Variants in PCDHGA5 observed in about 807,000 individuals in gnomAD.
PCDHGA5 encodes protocadherin gamma-A5.
PCDHGA5 carries 36 observed loss-of-function variants against 56.7 expected under a neutral mutation model. The observed-to-expected ratio is 0.64, with a 90% CI of 0.49 to 0.84. PCDHGA5 has a LOEUF of 0.84. PCDHGA5 is among the 40% of genes least tolerant of loss of function. The pLI, the probability that PCDHGA5 is intolerant of heterozygous loss-of-function variation, is 0.00. For missense variants in PCDHGA5, 1,305 were observed against 1,201.5 expected (o/e 1.09, Z -1.27); for synonymous variants, 563 against 520.2 (o/e 1.08, Z -1.12).
chr5:141,473,776 T>C (rs1026169931), intron 1 of PCDHGA5, among the ~76,000 whole-genome samples: 1 of 152,214 alleles, frequency 6.6e-6, no homozygotes, highest in Non-Finnish European at 1.5e-5. Context: ...TTTGGTATTT[T>C]AATTCAAGAG....
At chr5:141,385,488 T>G in intron 1 of PCDHGA5, 1 of 1,400,248 alleles carries the variant, frequency 7.1e-7, no homozygotes, top group Non-Finnish European at 9.3e-7. Flanking sequence ...ATAGAACACA[T>G]AGGATATAGT....
At chr5:141,417,943 G>A (rs772925118) in intron 1 of PCDHGA5, 2 of 1,613,194 alleles carry the variant, frequency 1.2e-6, no homozygotes, top group Admixed American at 1.7e-5. Flanking sequence ...TCTACCCCAC[G>A]CTGTGTGAGC....
intron 1 of PCDHGA5, chr5:141,428,285 C>G (rs765814584): frequency 1.1e-5 from 8 of 734,934 alleles, no homozygotes; most frequent in Non-Finnish European, 1.7e-5. Context: ...GATTCCCAAG[C>G]AAAGCTGCAG....
chr5:141,373,366 A>T (rs1309577062), intron 1 of PCDHGA5, among the ~76,000 whole-genome samples: 1 of 152,214 alleles, frequency 6.6e-6, no homozygotes, highest in Non-Finnish European at 1.5e-5. Context: ...ACTGTAATGA[A>T]TTGGTTCAAA....
chr5:141,450,006 C>CTTTT (rs1554136305), intron 1 of PCDHGA5, among the ~76,000 whole-genome samples: 4 of 132,984 alleles, frequency 3.0e-5, no homozygotes, highest in South Asian at 2.3e-4. Flanking sequence ...TGCCATGTCT[C>CTTTT]TTTTTTTTTT....
intron 1 of PCDHGA5, chr5:141,389,406 G>C (rs1235613335): frequency 2.5e-6 from 4 of 1,613,514 alleles, no homozygotes; most frequent in Non-Finnish European, 3.4e-6. Flanking sequence ...CATAAGCGCG[G>C]AGAGCGGGGT....
chr5:141,466,223 T>C (rs1313406487), intron 1 of PCDHGA5, among the ~76,000 whole-genome samples: 1 of 152,096 alleles, frequency 6.6e-6, no homozygotes, highest in African/African-American at 2.4e-5. Context: ...CAGGCTGGAG[T>C]GCAGTGGCAC....
At chr5:141,427,845 G>C in intron 1 of PCDHGA5, 1 of 1,550,582 alleles carries the variant, frequency 6.4e-7, no homozygotes, top group Non-Finnish European at 8.8e-7. Context: ...CTTCGACCAC[G>C]AGCAGCTGTG....
intron 1 of PCDHGA5, among the ~76,000 whole-genome samples, chr5:141,472,980 C>CAAAAAAAAAAAAAAAAGAAAAAAA (rs2099308501): frequency 2.3e-5 from 2 of 86,104 alleles, no homozygotes; most frequent in African/African-American, 7.8e-5. Flanking sequence ...GAGTGAAACT[C>CAAAAAAAAAAAAAAAAGAAAAAAA]AAAAAAAAAA....
At chr5:141,399,146 G>C (rs758823968) in intron 1 of PCDHGA5, 1 of 1,613,792 alleles carries the variant, frequency 6.2e-7, no homozygotes, top group South Asian at 1.1e-5. Context: ...AATGACAATA[G>C]CCCAGAAGTT....
Position 141,407,977 on chromosome 5 carries a change from G to T in PCDHGA5, c.2421+41226G>T, listed in dbSNP as rs943554200. ...GTGCAGAGCAAGCGCTGACGCCGGG[G>T]ATCCGTCAGCCTCTGGCCTGGGATT... On this transcript the variant is annotated intron_variant, in intron 1 of 3. Coordinates refer to ENST00000518069, the MANE Select transcript of PCDHGA5 (RefSeq NM_018918.3). 65 of 747,656 alleles carry T rather than the reference G, an allele frequency of 8.7e-5. No individual in the cohort carries two copies. The African/African-American group carries it at 1.0e-3, about 12-fold the overall frequency. The allele number at this position is 747,656 out of a possible 1,614,324, so 46.3% of individuals were successfully genotyped here. A position where few individuals can be genotyped will look rare whatever the true frequency, so the allele number is the denominator to read the frequency against.
At chr5:141,481,193 A>AT (rs1437708630) in intron 1 of PCDHGA5, among the ~76,000 whole-genome samples, 4 of 152,216 alleles carry the variant, frequency 2.6e-5, no homozygotes, top group African/African-American at 7.2e-5. Context: ...GCCAGGCCCA[A>AT]TTTTTTTAAA....
Position 141,506,556 on chromosome 5 carries a change from AC to A in PCDHGA5, c.2569+1080del, listed in dbSNP as rs560503002. Among the ~76,000 whole-genome samples the A allele has an allele frequency of 4.0e-4, 60 of 151,718 alleles. 1 individual carries two copies. In the East Asian group the frequency reaches 0.011, roughly 28 times the overall value. ...AATGAGTCCTTAGGTAAGTTATTAA[AC>A]CCCCTCGGTTTCACTTACTATTAAT... On this transcript the variant is annotated intron_variant, in intron 3 of 3. Coordinates refer to ENST00000518069, the MANE Select transcript of PCDHGA5 (RefSeq NM_018918.3).
At chr5:141,478,417 C>G in intron 1 of PCDHGA5, 1 of 1,613,652 alleles carries the variant, frequency 6.2e-7, no homozygotes, top group Non-Finnish European at 8.5e-7. Context: ...CGGACTCCCG[C>G]CGCAGCGACC....
chr5:141,502,450 C>T (rs184669731), intron 2 of PCDHGA5, among the ~76,000 whole-genome samples: 3 of 152,010 alleles, frequency 2.0e-5, no homozygotes, highest in Admixed American at 1.3e-4. Context: ...AGATTACACA[C>T]CTTGGTAGGA....
chr5:141,497,831 C>T (rs1336808833), intron 2 of PCDHGA5, among the ~76,000 whole-genome samples: 1 of 152,162 alleles, frequency 6.6e-6, no homozygotes, highest in Non-Finnish European at 1.5e-5. Flanking sequence ...TGATCGCCCC[C>T]GGCCACAACA....
At chr5:141,389,412 G>C (rs1039259671) in intron 1 of PCDHGA5, 21 of 1,613,470 alleles carry the variant, frequency 1.3e-5, no homozygotes, top group Non-Finnish European at 1.3e-5. Flanking sequence ...CGCGGAGAGC[G>C]GGGTGGTGTT....
chr5:141,364,313 T>C lies in PCDHGA5; in HGVS notation c.-18T>C. ...AGGCTGAACCAGAACTAAGAGAAAA[T>C]TGGGCAGAGAGAAGGCAATGGCGAG... On this transcript the variant is annotated 5_prime_UTR_variant, in exon 1 of 4. Coordinates refer to ENST00000518069, the MANE Select transcript of PCDHGA5 (RefSeq NM_018918.3). 2.6e-6 allele frequency: 4 copies of C among 1,522,730 alleles called. No homozygotes were observed. The highest frequency in any genetic ancestry group is 2.6e-6 in the Non-Finnish European group (3 of 1,138,292). 94.3% of individuals were successfully genotyped at this position (1,522,730 alleles called of 1,614,324 possible).
intron 1 of PCDHGA5, chr5:141,398,485 A>G: frequency 6.2e-7 from 1 of 1,608,602 alleles, no homozygotes; most frequent in Non-Finnish European, 8.5e-7. Context: ...TTATCACGTG[A>G]ATGTGGAGAT....
Sources: gnomAD v4.1 joint callset for allele counts (sites outside exome capture counted in the v4.1 genomes callset) on GRCh38, gnomAD v4.1.1 for gene constraint, MANE v1.5 for transcripts, NCBI Gene and HGNC (gene_info 2026-07-23, HGNC 2026-07-21) for gene names.